The following TGM2 variants were observed in gnomAD, a reference collection of about 807,000 sequenced individuals.
The protein encoded by TGM2 is protein-glutamine gamma-glutamyltransferase 2.
TGM2 carries 53 observed loss-of-function variants against 75.6 expected under a neutral mutation model. That is an observed-to-expected ratio of 0.70 (90% CI 0.56 to 0.88). The LOEUF (loss-of-function observed/expected upper bound fraction) is 0.88, where lower values mean the gene tolerates loss of function less well. TGM2 is among the 40% of genes least tolerant of loss of function. The pLI is 0.00. For missense variants in TGM2, 842 were observed against 928.5 expected (o/e 0.91, Z 1.21); for synonymous variants, 374 against 381.1 (o/e 0.98, Z 0.22).
chr20:38,145,197 GA>G (rs1208701726), intron 6 of TGM2, among the ~76,000 whole-genome samples: 1 of 152,142 alleles, frequency 6.6e-6, no homozygotes, highest in Non-Finnish European at 1.5e-5. Flanking sequence ...AGGCTGCCCT[GA>G]CCCAGCCTGC....
At chr20:38,153,205 C>T (rs1178108367) in intron 3 of TGM2, among the ~76,000 whole-genome samples, 3 of 152,168 alleles carry the variant, frequency 2.0e-5, no homozygotes, top group African/African-American at 7.2e-5. Context: ...GGGCAAGAAA[C>T]AGGACACTCA....
At position 38,142,070 on chromosome 20, in the gene TGM2, A is replaced by C. The variant is rs141603506; in HGVS notation, c.989T>G (p.Met330Arg). The change falls in exon 7 of 13, where the codon ATG becomes AGG. Residue 330 changes from methionine (M) to arginine (R), a missense_variant. Physicochemically the swap from Met to Arg is moderately conservative, Grantham distance 91. Transcript: ENST00000361475. ...FGEIQGDKSE[M>R]IWNFHCWVES... ...ACCCTGGCCCCCACCTCACCAGATC[A>C]TCTCGCTCTTGTCACCCTGGATCTC... 68 of 1,613,914 alleles carry C rather than the reference A, an allele frequency of 4.2e-5. No homozygotes were observed. Among genetic ancestry groups the C allele is most frequent in the Non-Finnish European group, 4.5e-5 (53 of 1,180,012 alleles).
chr20:38,141,147 G>A (rs539633609), intron 8 of TGM2, 135 bp downstream of exon 8: 1 of 648,290 alleles, frequency 1.5e-6, no homozygotes, highest in South Asian at 1.8e-5. Flanking sequence ...TGTAAGTGAG[G>A]TCCCCCACCC....
intron 1 of TGM2, among the ~76,000 whole-genome samples, chr20:38,164,842 T>A (rs1568708471): frequency 6.6e-6 from 1 of 152,092 alleles, no homozygotes; most frequent in Non-Finnish European, 1.5e-5. Flanking sequence ...ACCTAAGTGT[T>A]CTGAGGCCAG....
At chr20:38,144,673 A>C (rs1447349182) in intron 6 of TGM2, among the ~76,000 whole-genome samples, 2 of 152,196 alleles carry the variant, frequency 1.3e-5, no homozygotes, top group Non-Finnish European at 2.9e-5. Context: ...TGGAGGCATC[A>C]ATTCTCTTGC....
chr20:38,132,473 T>C lies in TGM2; in HGVS notation c.1643A>G (p.Tyr548Cys), dbSNP rs1317709514. The change falls in exon 11 of 13, where the codon TAT becomes TGT. Residue 548 changes from tyrosine (Y) to cysteine (C), a missense_variant. By Grantham distance (194) the Tyr-to-Cys change is radical. Coordinates refer to ENST00000361475, the MANE Select transcript of TGM2 (RefSeq NM_004613.4). ...SEKSVPLCIL[Y>C]EKYRDCLTES... ...CGTAAGGCAGTCACGGTATTTCTCA[T>C]AGAGGATGCAAAGAGGAACGCTCTT... The C allele has an allele frequency of 2.5e-6, 4 of 1,613,886 alleles. No homozygotes were observed. In the African/African-American group the frequency reaches 4.0e-5, roughly 16 times the overall value.
intron 6 of TGM2, 77 bp from the exon 7 acceptor site, chr20:38,142,276 C>T: frequency 6.2e-7 from 1 of 1,601,010 alleles, no homozygotes; most frequent in Non-Finnish European, 8.5e-7. Flanking sequence ...TGCCCATCTG[C>T]ATTCCAGGGA....
In TGM2 at chr20:38,165,206, C is replaced by CG. The variant is rs755639854; in HGVS notation, c.-9dup. 44 of 1,613,130 alleles carry CG rather than the reference C, an allele frequency of 2.7e-5. No individual in the cohort carries two copies. The highest frequency in any genetic ancestry group is 3.5e-5 in the Non-Finnish European group (41 of 1,179,894). Reference sequence around the variant, plus strand: ...ATACTCACCCTCGGCCATGGTCGGGCGGGGGCGGTGGCTCCTTCCACTGGC... The same window carrying CG: ...ATACTCACCCTCGGCCATGGTCGGGCGGGGGGCGGTGGCTCCTTCCACTGGC... On this transcript the variant is annotated 5_prime_UTR_variant, in exon 1 of 13. Transcript: ENST00000361475.
At chr20:38,151,781 G>A (rs1196792764) in intron 3 of TGM2, among the ~76,000 whole-genome samples, 1 of 152,198 alleles carries the variant, frequency 6.6e-6, no homozygotes, top group Non-Finnish European at 1.5e-5. Flanking sequence ...TTGGAACCTG[G>A]AGGGTAGCAT....
chr20:38,147,634 C>T (rs2075061376), intron 5 of TGM2, among the ~76,000 whole-genome samples: 1 of 152,002 alleles, frequency 6.6e-6, no homozygotes, highest in Non-Finnish European at 1.5e-5. Context: ...TCTGTCTCCC[C>T]TCCCCTCCCC....
rs761722254 is a variant in TGM2, at chr20:38,130,370, C to T, written c.1914-1G>A. The stretch of plus-strand genomic sequence containing the variant: ...CTCCCCTGCCTCCACGGGGTCTGGG[C>T]TGCAGGGAGAGAGGGGGTGGTGAGG... On this transcript the variant is annotated splice_acceptor_variant, in intron 12 of 12. Coordinates refer to ENST00000361475, the MANE Select transcript of TGM2 (RefSeq NM_004613.4). LOFTEE classifies it high-confidence loss of function. 1.3e-6 allele frequency: 2 copies of T among 1,586,984 alleles called. No homozygotes were observed. Among genetic ancestry groups the T allele is most frequent in the Admixed American group, 1.8e-5 (1 of 54,784 alleles).
chr20:38,156,181 C>T (rs2075185339), intron 2 of TGM2, 92 bp from the exon 3 acceptor site: 1 of 1,452,606 alleles, frequency 6.9e-7, no homozygotes, highest in African/African-American at 1.4e-5. Flanking sequence ...GGGCTCCAGG[C>T]CTAGTTCTGC....
intron 4 of TGM2, among the ~76,000 whole-genome samples, chr20:38,148,799 C>T (rs1284990089): frequency 6.6e-6 from 1 of 152,184 alleles, no homozygotes; most frequent in African/African-American, 2.4e-5. Flanking sequence ...CTGCAGGGCT[C>T]ACACCTCCTC....
upstream of TGM2, among the ~76,000 whole-genome samples, chr20:38,168,319 G>A (rs895472631): frequency 1.3e-5 from 2 of 152,170 alleles, no homozygotes; most frequent in African/African-American, 4.8e-5. Flanking sequence ...CCCCTCTCTG[G>A]GTTTCAGTTT....
chr20:38,167,909 C>T (rs1190970140), upstream of TGM2, among the ~76,000 whole-genome samples: 1 of 152,184 alleles, frequency 6.6e-6, no homozygotes, highest in African/African-American at 2.4e-5. Context: ...CTCTGTGCCT[C>T]AGTTTCCTCA....
upstream of TGM2, chr20:38,165,498 C>T: frequency 1.9e-6 from 1 of 521,356 alleles, no homozygotes; most frequent in Non-Finnish European, 3.4e-6. Context: ...AGGATACAGA[C>T]ACACCTGGAC....
upstream of TGM2, among the ~76,000 whole-genome samples, chr20:38,167,829 C>T (rs1053468881): frequency 2.6e-5 from 4 of 152,142 alleles, no homozygotes; most frequent in South Asian, 2.1e-4. Context: ...GGGTATGTCA[C>T]GCAGCTCTGG....
rs1168712941 is a variant in TGM2 at position 38,132,345 on chromosome 20, T to C, written c.1771A>G (p.Ile591Val). 1 of 1,613,840 alleles carries C rather than the reference T, an allele frequency of 6.2e-7. No homozygotes were observed. The highest frequency in any genetic ancestry group is 8.5e-7 in the Non-Finnish European group (1 of 1,179,978). The change falls in exon 11 of 13, where the codon ATC becomes GTC. Residue 591 changes from isoleucine (I) to valine (V), a missense_variant. Coordinates refer to ENST00000361475, the MANE Select transcript of TGM2 (RefSeq NM_004613.4). ...DLYLENPEIK[I>V]RILGEPKQKR... ...CTTGCCCAGCCTGCCCTTACCCGGA[T>C]CTTGATTTCTGGATTCTCCAGGTAG...
At chr20:38,165,571 AG>A (rs1383285257), upstream of TGM2, among the ~76,000 whole-genome samples, 1 of 151,952 alleles carries the variant, frequency 6.6e-6, no homozygotes, top group Non-Finnish European at 1.5e-5. Context: ...AGACACACGC[AG>A]CACCCTCATA....
Sources: gnomAD v4.1 joint callset for allele counts (sites outside exome capture counted in the v4.1 genomes callset) on GRCh38, gnomAD v4.1.1 for gene constraint, MANE v1.5 for transcripts, NCBI Gene and HGNC (gene_info 2026-07-23, HGNC 2026-07-21) for gene names.